FAM149B1: variants seen among roughly 807,000 people sequenced by gnomAD.
The protein encoded by FAM149B1 is family with sequence similarity 149 member B1.
In FAM149B1, 56 loss-of-function variants were observed where a neutral mutation model predicts 75.3. The ratio of observed to expected loss-of-function variants is 0.74; its 90% confidence interval spans 0.60 to 0.93. The LOEUF (loss-of-function observed/expected upper bound fraction) is 0.93. Among genes scored for constraint, FAM149B1 ranks in the 40% least tolerant of loss-of-function variants. The probability of loss-of-function intolerance (pLI) is 0.00; values close to 1 mark genes in which losing one functional copy is unlikely to be tolerated. For synonymous variants in FAM149B1, 259 were observed against 256.1 expected, an observed-to-expected ratio of 1.01 and a Z score of -0.11; for missense variants, 639 against 708.4, an observed-to-expected ratio of 0.90 and a Z score of 1.11.
chr10:73,182,208 TG>T (rs2042415486), intron 3 of FAM149B1, among the ~76,000 whole-genome samples: 1 of 147,740 alleles, frequency 6.8e-6, no homozygotes, highest in Admixed American at 6.7e-5. Flanking sequence ...ACCCAGTCTG[TG>T]TCTTTTTTTT....
At chr10:73,182,232 T>A (rs1026227546) in intron 3 of FAM149B1, among the ~76,000 whole-genome samples, 23 of 145,598 alleles carry the variant, frequency 1.6e-4, no homozygotes, top group Non-Finnish European at 3.0e-4. Flanking sequence ...TTTTTTTTTT[T>A]AAATGGAGTT....
At chr10:73,186,273 A>C (rs2042519590) in intron 3 of FAM149B1, among the ~76,000 whole-genome samples, 1 of 152,194 alleles carries the variant, frequency 6.6e-6, no homozygotes, top group Non-Finnish European at 1.5e-5. Flanking sequence ...ATTTGACAAA[A>C]TCTAACACCC....
chr10:73,217,496 G>A (rs747272429), intron 7 of FAM149B1, among the ~76,000 whole-genome samples: 3 of 152,300 alleles, frequency 2.0e-5, no homozygotes, highest in South Asian at 2.1e-4. Context: ...ACCTGGCTGC[G>A]TTTAAGGTGT....
intron 5 of FAM149B1, among the ~76,000 whole-genome samples, chr10:73,207,343 C>G (rs528878183): frequency 6.6e-6 from 1 of 152,152 alleles, no homozygotes; most frequent in South Asian, 2.1e-4. Context: ...ATGGGCAGAT[C>G]ACTAGAGACC....
At chr10:73,178,206 T>C (rs932329820) in intron 3 of FAM149B1, among the ~76,000 whole-genome samples, 14 of 152,210 alleles carry the variant, frequency 9.2e-5, no homozygotes, top group African/African-American at 3.4e-4. Context: ...AACAGCTGCA[T>C]GTTGGCCGGG....
intron 2 of FAM149B1, 21 bp from the exon 3 acceptor site, chr10:73,177,825 C>T: frequency 6.5e-7 from 1 of 1,536,622 alleles, no homozygotes; most frequent in Non-Finnish European, 8.7e-7. Flanking sequence ...TTTCTCTCCT[C>T]CTCCCAAATT....
intron 5 of FAM149B1, among the ~76,000 whole-genome samples, chr10:73,196,477 TGTGAGAC>T (rs1250103651): frequency 6.6e-6 from 1 of 152,174 alleles, no homozygotes; most frequent in Non-Finnish European, 1.5e-5. Flanking sequence ...CACTTTTTGT[TGTGAGAC>T]GTATGAAGAA....
intron 3 of FAM149B1, among the ~76,000 whole-genome samples, chr10:73,181,037 C>T (rs1213038898): frequency 1.4e-5 from 2 of 146,076 alleles, no homozygotes; most frequent in South Asian, 2.1e-4. Flanking sequence ...GACGGAGTGT[C>T]GCATTGTCAC....
At chr10:73,174,259 A>G (rs1232332011) in intron 1 of FAM149B1, among the ~76,000 whole-genome samples, 4 of 152,190 alleles carry the variant, frequency 2.6e-5, no homozygotes, top group Non-Finnish European at 4.4e-5. Context: ...CAGAATGGCT[A>G]TACCATTTGA....
intron 5 of FAM149B1, among the ~76,000 whole-genome samples, chr10:73,196,626 A>G (rs1012525662): frequency 6.6e-6 from 1 of 152,160 alleles, no homozygotes; most frequent in African/African-American, 2.4e-5. Context: ...CCTCTCCAAT[A>G]TATTCTCCAC....
chr10:73,239,519 C>A, intron 13 of FAM149B1, 135 bp downstream of exon 13: 3 of 637,508 alleles, frequency 4.7e-6, no homozygotes, highest in Non-Finnish European at 7.8e-6. Flanking sequence ...CTTTGTAAAT[C>A]ACCTAAAATT....
At chr10:73,236,076 C>T (rs940723989) in intron 12 of FAM149B1, among the ~76,000 whole-genome samples, 2 of 152,156 alleles carry the variant, frequency 1.3e-5, no homozygotes, top group African/African-American at 4.8e-5. Flanking sequence ...GTAGTGTTTG[C>T]AGCACACTTG....
At chr10:73,233,400 G>A (rs1197144261) in intron 10 of FAM149B1, among the ~76,000 whole-genome samples, 3 of 152,092 alleles carry the variant, frequency 2.0e-5, no homozygotes, top group African/African-American at 7.2e-5. Context: ...GAGTGCAGTG[G>A]ATGATCATGG....
intron 5 of FAM149B1, among the ~76,000 whole-genome samples, chr10:73,202,982 C>T (rs534829068): frequency 3.3e-5 from 5 of 152,304 alleles, no homozygotes; most frequent in Non-Finnish European, 7.3e-5. Context: ...CCAACTCTTG[C>T]ATAAGAGAAG....
intron 3 of FAM149B1, among the ~76,000 whole-genome samples, chr10:73,181,100 G>A (rs530075522): frequency 6.6e-5 from 10 of 151,126 alleles, no homozygotes; most frequent in African/African-American, 9.7e-5. Flanking sequence ...TCCGCCTCCC[G>A]GGTTCACACC....
intron 12 of FAM149B1, among the ~76,000 whole-genome samples, chr10:73,238,035 TGTTTA>T (rs1405610027): frequency 5.9e-5 from 9 of 152,260 alleles, no homozygotes; most frequent in Non-Finnish European, 1.2e-4. Context: ...GATAGCTAGT[TGTTTA>T]GTTTATTAGG....
chr10:73,199,193 CTTT>C (rs1353596586), intron 5 of FAM149B1, among the ~76,000 whole-genome samples: 5 of 118,626 alleles, frequency 4.2e-5, no homozygotes, highest in African/African-American at 1.5e-4. Context: ...AACTGTTATC[CTTT>C]TTTGTTGTTG....
intron 3 of FAM149B1, among the ~76,000 whole-genome samples, chr10:73,189,152 A>T (rs2042617759): frequency 6.6e-6 from 1 of 152,214 alleles, no homozygotes; most frequent in South Asian, 2.1e-4. Flanking sequence ...GCTCCATATG[A>T]TGAATTATAG....
intron 7 of FAM149B1, among the ~76,000 whole-genome samples, chr10:73,211,209 G>A (rs868519255): frequency 6.6e-6 from 1 of 152,114 alleles, no homozygotes; most frequent in Non-Finnish European, 1.5e-5. Flanking sequence ...TTCAATTGTT[G>A]GCCATCGCTG....
Sources: allele counts gnomAD v4.1 joint callset (sites outside exome capture counted in the v4.1 genomes callset), GRCh38; gene constraint gnomAD v4.1.1; transcripts MANE v1.5; gene names NCBI Gene and HGNC (gene_info 2026-07-23, HGNC 2026-07-21).